COMMD1: variants seen among roughly 807,000 people sequenced by gnomAD.
COMMD1 encodes the protein COMM domain-containing protein 1.
Under a neutral mutation model 17.2 loss-of-function variants are expected in COMMD1, and 10 were observed. The ratio of observed to expected loss-of-function variants is 0.58; its 90% CI spans 0.36 to 0.99. COMMD1 has a LOEUF of 0.99. COMMD1 is among the 50% of genes least tolerant of loss of function. The pLI, the probability that COMMD1 is intolerant of heterozygous loss-of-function variation, is 0.01. For missense variants in COMMD1, 270 were observed against 231.8 expected, an observed-to-expected ratio of 1.17 and a Z score of -1.07; for synonymous variants, 97 against 91.6, an observed-to-expected ratio of 1.06 and a Z score of -0.34.
intron 1 of COMMD1, among the ~76,000 whole-genome samples, chr2:61,953,395 G>A (rs1671110496): frequency 2.1e-5 from 3 of 143,466 alleles, no homozygotes; most frequent in Admixed American, 7.0e-5. Context: ...TTGAGACTGA[G>A]TCTCATTCTG....
At chr2:61,986,844 C>A (rs1672119418) in intron 1 of COMMD1, among the ~76,000 whole-genome samples, 2 of 152,114 alleles carry the variant, frequency 1.3e-5, no homozygotes, top group Admixed American at 6.5e-5. Context: ...GCTAGGATTA[C>A]AGGTATGAGC....
At chr2:61,892,025 G>C (rs1454160262) in intron 1 of COMMD1, among the ~76,000 whole-genome samples, 1 of 151,374 alleles carries the variant, frequency 6.6e-6, no homozygotes, top group Non-Finnish European at 1.5e-5. Context: ...TAGAGAGGGG[G>C]TTTCACCGTG....
chr2:62,053,931 A>T (rs944426443), intron 2 of COMMD1, among the ~76,000 whole-genome samples: 14 of 152,254 alleles, frequency 9.2e-5, no homozygotes, highest in African/African-American at 2.9e-4. Flanking sequence ...TGAATGGAAG[A>T]AAATATTTGC....
chr2:62,002,432 A>T (rs1208597678), intron 2 of COMMD1, among the ~76,000 whole-genome samples: 1 of 126,254 alleles, frequency 7.9e-6, no homozygotes, highest in African/African-American at 3.0e-5. Context: ...TGGAGGTTGC[A>T]GTGAGCCGAG....
chr2:61,935,147 C>A (rs1670570946), intron 1 of COMMD1, among the ~76,000 whole-genome samples: 1 of 152,256 alleles, frequency 6.6e-6, no homozygotes, highest in African/African-American at 2.4e-5. Context: ...AAGATCCAGG[C>A]AGTCAGATTT....
intron 1 of COMMD1, among the ~76,000 whole-genome samples, chr2:61,914,103 C>T (rs1450658032): frequency 4.6e-5 from 7 of 151,420 alleles, no homozygotes; most frequent in Non-Finnish European, 8.8e-5. Context: ...ACCCAGGAGG[C>T]GGAGCTTGCA....
intron 1 of COMMD1, among the ~76,000 whole-genome samples, chr2:61,890,472 G>A (rs1427864301): frequency 1.3e-5 from 2 of 152,104 alleles, no homozygotes; most frequent in Non-Finnish European, 2.9e-5. Flanking sequence ...GCCCGCCTCG[G>A]CTTCCCAAAG....
intron 1 of COMMD1, among the ~76,000 whole-genome samples, chr2:61,924,441 T>G (rs1572966906): frequency 2.7e-4 from 33 of 124,274 alleles, no homozygotes; most frequent in East Asian, 7.8e-4. Flanking sequence ...TGGTGGGGGG[T>G]CATGCTGTTC....
Position 61,929,234 on chromosome 2 carries a change from G to A in COMMD1, c.180+23376G>A, listed in dbSNP as rs568486312. On this transcript the variant is annotated intron_variant, in intron 1 of 2. Coordinates refer to ENST00000311832, the MANE Select transcript of COMMD1 (RefSeq NM_152516.4). Reference sequence around the variant, plus strand: ...AGTGATAAACCTTATCAAAGCAGGAGATGTGTGAAGGACACAGAATGACTT... The same window carrying A: ...AGTGATAAACCTTATCAAAGCAGGAAATGTGTGAAGGACACAGAATGACTT... Among the ~76,000 whole-genome samples the A allele has an allele frequency of 3.3e-4, 50 of 152,316 alleles. 1 individual carries two copies. In the Middle Eastern group the frequency reaches 0.034, roughly 104 times the overall value.
chr2:62,014,686 C>T (rs1447519454), intron 2 of COMMD1, among the ~76,000 whole-genome samples: 1 of 149,238 alleles, frequency 6.7e-6, no homozygotes, highest in Non-Finnish European at 1.5e-5. Context: ...CTCAGCCTCC[C>T]GAGTAGCTGG....
intron 1 of COMMD1, among the ~76,000 whole-genome samples, chr2:61,918,100 A>C (rs1178592847): frequency 6.6e-6 from 1 of 152,206 alleles, no homozygotes; most frequent in African/African-American, 2.4e-5. Flanking sequence ...CATCATGTTG[A>C]AATGTTCTTT....
chr2:61,912,679 G>A (rs984808554), intron 1 of COMMD1, among the ~76,000 whole-genome samples: 2 of 150,440 alleles, frequency 1.3e-5, no homozygotes, highest in African/African-American at 4.9e-5. Flanking sequence ...AGGTTGCAGT[G>A]AGCCGAGATC....
chr2:61,919,191 A>G (rs1481261883), intron 1 of COMMD1, among the ~76,000 whole-genome samples: 2 of 151,784 alleles, frequency 1.3e-5, no homozygotes, highest in Non-Finnish European at 2.9e-5. Flanking sequence ...TTGGATTTTT[A>G]GTAGAGACAG....
chr2:61,897,438 A>C (rs1322113823), intron 1 of COMMD1, among the ~76,000 whole-genome samples: 1 of 152,138 alleles, frequency 6.6e-6, no homozygotes, highest in Non-Finnish European at 1.5e-5. Flanking sequence ...GAACCCTAAG[A>C]TGGGAAGGGG....
intron 1 of COMMD1, among the ~76,000 whole-genome samples, chr2:61,943,641 C>A (rs896581689): frequency 6.6e-6 from 1 of 152,126 alleles, no homozygotes; most frequent in Non-Finnish European, 1.5e-5. Context: ...TCGAGACCAA[C>A]CTGGCCAATA....
At chr2:62,033,045 C>T (rs1669951361) in intron 2 of COMMD1, among the ~76,000 whole-genome samples, 1 of 152,220 alleles carries the variant, frequency 6.6e-6, no homozygotes, top group Non-Finnish European at 1.5e-5. Flanking sequence ...GCTGGGATTA[C>T]AGGCGTGAGC....
intron 1 of COMMD1, among the ~76,000 whole-genome samples, chr2:61,923,752 A>G (rs1037279128): frequency 6.6e-6 from 1 of 152,074 alleles, no homozygotes; most frequent in Non-Finnish European, 1.5e-5. Context: ...GCTCAGATTT[A>G]TATTTAGAAA....
chr2:62,046,063 A>G (rs1019678082), intron 2 of COMMD1, among the ~76,000 whole-genome samples: 4 of 152,134 alleles, frequency 2.6e-5, no homozygotes, highest in African/African-American at 7.2e-5. Flanking sequence ...ATTCCTCCCA[A>G]TGTCAGCTTG....
chr2:62,004,177 A>G (rs1247273384), intron 2 of COMMD1, among the ~76,000 whole-genome samples: 2 of 152,356 alleles, frequency 1.3e-5, no homozygotes, highest in East Asian at 3.9e-4. Context: ...GATTGTATAC[A>G]TATGTCAAAA....
Sources: allele counts gnomAD v4.1 joint callset (sites outside exome capture counted in the v4.1 genomes callset), GRCh38; gene constraint gnomAD v4.1.1; transcripts MANE v1.5; gene names NCBI Gene and HGNC (gene_info 2026-07-23, HGNC 2026-07-21).